EIF4G3: variants seen among roughly 807,000 people sequenced by gnomAD.
EIF4G3 encodes the protein eIF-4-gamma 3.
A neutral mutation model predicts 186.4 loss-of-function variants in EIF4G3; 34 were observed. The ratio of observed to expected loss-of-function variants is 0.18; its 90% CI spans 0.14 to 0.24. EIF4G3 has a LOEUF of 0.24. Among genes scored for constraint, EIF4G3 ranks in the 10% least tolerant of loss-of-function variants. The pLI is 1.00. For synonymous variants in EIF4G3, 673 were observed against 679.5 expected (o/e 0.99, Z 0.15); for missense variants, 1,536 against 1,948.5 (o/e 0.79, Z 3.99).
chr1:20,905,493 C>G (rs1210715176), intron 14 of EIF4G3, among the ~76,000 whole-genome samples: 1 of 152,198 alleles, frequency 6.6e-6, no homozygotes, highest in East Asian at 1.9e-4. Context: ...ATTAGATAGG[C>G]AGCATTTCTG....
At chr1:20,980,255 T>C (rs1038834141) in intron 10 of EIF4G3, 79 bp downstream of exon 10, 2 of 982,942 alleles carry the variant, frequency 2.0e-6, no homozygotes, top group South Asian at 1.7e-5. Context: ...TAAACCTCAT[T>C]GTATAAACCA....
At chr1:21,123,747 C>T (rs1003838813) in intron 2 of EIF4G3, among the ~76,000 whole-genome samples, 3 of 152,030 alleles carry the variant, frequency 2.0e-5, no homozygotes, top group Non-Finnish European at 2.9e-5. Flanking sequence ...GAGTTCCTTC[C>T]TAGATTATGA....
chr1:20,910,851 T>A (rs1387140943), intron 14 of EIF4G3, among the ~76,000 whole-genome samples: 1 of 152,192 alleles, frequency 6.6e-6, no homozygotes, highest in East Asian at 1.9e-4. Flanking sequence ...TATAATCATG[T>A]AAAATATTTA....
intron 2 of EIF4G3, among the ~76,000 whole-genome samples, chr1:21,121,006 A>G (rs1572865910): frequency 6.6e-6 from 1 of 152,252 alleles, no homozygotes; most frequent in East Asian, 1.9e-4. Context: ...TACAGCCTCA[A>G]CTTCCTGGGC....
chr1:21,125,590 G>A (rs867487822), intron 2 of EIF4G3, among the ~76,000 whole-genome samples: 1 of 152,048 alleles, frequency 6.6e-6, no homozygotes. Flanking sequence ...ATGGTGGCGG[G>A]TGCCTGTAAT....
intron 19 of EIF4G3, 82 bp from the exon 20 acceptor site, chr1:20,879,602 A>T (rs1241975948): frequency 2.4e-6 from 2 of 836,684 alleles, no homozygotes; most frequent in Admixed American, 6.5e-5. Context: ...TTTTAAAAAT[A>T]ATATATAAGT....
At chr1:20,843,197 A>G (rs544599213) in intron 29 of EIF4G3, among the ~76,000 whole-genome samples, 2 of 151,920 alleles carry the variant, frequency 1.3e-5, no homozygotes, top group Admixed American at 1.3e-4. Flanking sequence ...TGCCTTTTCA[A>G]GAGGACTTGT....
chr1:20,864,521 G>A lies in EIF4G3; in HGVS notation c.2961C>T (p.Arg987=). Residue 987 remains arginine, a synonymous_variant, in exon 22 of 37, where the codon CGC becomes CGT. Coordinates refer to ENST00000602326, the MANE Select transcript of EIF4G3 (RefSeq NM_001391906.1). ...AGTCTTTGCCAATGGTGGTGAGCAG[G>A]CGACACAGGCACTCCAGGGATTCTT... ...HDEESLECLC[R]LLTTIGKDLD... is the part of the protein sequence containing the mutation. 6.2e-7 allele frequency: 1 copy of A among 1,614,188 alleles called. No homozygotes were observed. The highest frequency in any genetic ancestry group is 1.1e-5 in the South Asian group (1 of 91,080).
At chr1:20,954,428 C>T (rs749057624) in intron 12 of EIF4G3, among the ~76,000 whole-genome samples, 16 of 144,914 alleles carry the variant, frequency 1.1e-4, no homozygotes, top group South Asian at 4.6e-4. Flanking sequence ...CTCAGCTACT[C>T]GGGAGGCTGA....
At chr1:20,839,560 C>A (rs2067833217) in intron 30 of EIF4G3, among the ~76,000 whole-genome samples, 1 of 152,036 alleles carries the variant, frequency 6.6e-6, no homozygotes, top group African/African-American at 2.4e-5. Context: ...AGTGGTGCAA[C>A]CTTGGCTCAC....
intron 4 of EIF4G3, among the ~76,000 whole-genome samples, chr1:21,010,004 G>A (rs866928030): frequency 6.6e-6 from 1 of 152,038 alleles, no homozygotes; most frequent in African/African-American, 2.4e-5. Context: ...AACTTTCTGG[G>A]ATAATTATAA....
intron 6 of EIF4G3, among the ~76,000 whole-genome samples, chr1:20,998,436 T>C (rs986615759): frequency 6.6e-6 from 1 of 152,178 alleles, no homozygotes; most frequent in Non-Finnish European, 1.5e-5. Context: ...ACTGTGTATA[T>C]GTACCTATTG....
At chr1:20,953,505 C>G (rs1035753747) in intron 12 of EIF4G3, among the ~76,000 whole-genome samples, 4 of 152,094 alleles carry the variant, frequency 2.6e-5, no homozygotes, top group African/African-American at 7.2e-5. Context: ...GGCCCACATA[C>G]TGGAGGAATT....
At chr1:21,052,684 G>A (rs1410059790) in intron 3 of EIF4G3, among the ~76,000 whole-genome samples, 6 of 152,000 alleles carry the variant, frequency 3.9e-5, no homozygotes. Flanking sequence ...CTCCCTGCCT[G>A]ATTCTCCTGC....
chr1:20,944,129 G>C (rs1312008199), intron 13 of EIF4G3, among the ~76,000 whole-genome samples: 4 of 151,750 alleles, frequency 2.6e-5, no homozygotes, highest in Admixed American at 2.0e-4. Flanking sequence ...GCTCACTGGA[G>C]TAAATAAGTC....
intron 2 of EIF4G3, among the ~76,000 whole-genome samples, chr1:21,166,496 G>A (rs2097857517): frequency 6.6e-6 from 1 of 152,096 alleles, no homozygotes; most frequent in African/African-American, 2.4e-5. Flanking sequence ...AGGCTGAGAG[G>A]GGCAGATCAC....
At chr1:20,831,494 G>A (rs1306777003) in intron 30 of EIF4G3, among the ~76,000 whole-genome samples, 1 of 151,188 alleles carries the variant, frequency 6.6e-6, no homozygotes, top group South Asian at 2.1e-4. Flanking sequence ...CATAAGCCAG[G>A]GAACAGCTTC....
At chr1:20,835,940 G>C (rs1240732035) in intron 30 of EIF4G3, among the ~76,000 whole-genome samples, 1 of 142,890 alleles carries the variant, frequency 7.0e-6, no homozygotes, top group East Asian at 2.3e-4. Context: ...CTATCTCAGA[G>C]AGAAAAAAAA....
At chr1:21,038,655 C>G (rs1331382847) in intron 4 of EIF4G3, among the ~76,000 whole-genome samples, 1 of 152,186 alleles carries the variant, frequency 6.6e-6, no homozygotes, top group Admixed American at 6.5e-5. Flanking sequence ...TAATTTCTTT[C>G]TTTCTTCTCT....
Sources: gnomAD v4.1 joint callset for allele counts (sites outside exome capture counted in the v4.1 genomes callset) on GRCh38, gnomAD v4.1.1 for gene constraint, MANE v1.5 for transcripts, NCBI Gene and HGNC (gene_info 2026-07-23, HGNC 2026-07-21) for gene names.